The following GSE1 variants were observed in gnomAD, a reference collection of about 807,000 sequenced individuals.
The protein encoded by GSE1 is genetic suppressor element 1.
Under a neutral mutation model 112.6 loss-of-function variants are expected in GSE1, and 32 were observed. The observed-to-expected ratio is 0.28, with a 90% CI of 0.21 to 0.38. The LOEUF (loss-of-function observed/expected upper bound fraction) is 0.38, where lower values mean the gene tolerates loss of function less well. Among genes scored for constraint, GSE1 ranks in the 10% least tolerant of loss-of-function variants. GSE1 has a pLI of 1.00. For synonymous variants in GSE1, 1,115 were observed against 735.6 expected, an observed-to-expected ratio of 1.52 and a Z score of -8.35; for missense variants, 2,348 against 1,699.2, an observed-to-expected ratio of 1.38 and a Z score of -6.71.
chr16:85,511,684 T>C (rs912374529), intron 2 of GSE1, among the ~76,000 whole-genome samples: 4 of 152,146 alleles, frequency 2.6e-5, no homozygotes, highest in Admixed American at 1.3e-4. Flanking sequence ...GTGGCCTAAA[T>C]GCAATCTCAA....
At chr16:85,221,966 C>G (rs2075401558) in intron 1 of GSE1, among the ~76,000 whole-genome samples, 1 of 152,104 alleles carries the variant, frequency 6.6e-6, no homozygotes, top group South Asian at 2.1e-4. Flanking sequence ...TCACCGGTGA[C>G]CAGGTGGGCT....
At chr16:85,171,956 G>C (rs76932964) in intron 1 of GSE1, 5,288 of 339,780 alleles carry the variant, frequency 0.016, 275 homozygotes, top group African/African-American at 0.11. Flanking sequence ...CCCTCCCTGA[G>C]TCACTGGGCT....
At chr16:85,619,754 C>T (rs577494915) in intron 1 of GSE1, among the ~76,000 whole-genome samples, 7 of 152,202 alleles carry the variant, frequency 4.6e-5, no homozygotes, top group South Asian at 2.1e-4. Context: ...TTCACCCCAA[C>T]GTGCTCCTCC....
At chr16:85,440,368 C>T (rs149172692) in intron 2 of GSE1, among the ~76,000 whole-genome samples, 1 of 152,352 alleles carries the variant, frequency 6.6e-6, no homozygotes, top group African/African-American at 2.4e-5. Context: ...TGTTCCTTTC[C>T]ACTGCCCAGA....
chr16:85,485,876 C>T (rs1178640109), intron 2 of GSE1, among the ~76,000 whole-genome samples: 4 of 152,180 alleles, frequency 2.6e-5, no homozygotes, highest in Non-Finnish European at 4.4e-5. Context: ...CGGGAAACAC[C>T]GATGTTCTTC....
chr16:85,281,444 AG>A (rs2044855887), intron 1 of GSE1, among the ~76,000 whole-genome samples: 1 of 152,122 alleles, frequency 6.6e-6, no homozygotes, highest in East Asian at 1.9e-4. Flanking sequence ...TCCCCTCTGT[AG>A]GTGGCTAAAC....
At chr16:85,619,947 G>A (rs897544009) in intron 1 of GSE1, among the ~76,000 whole-genome samples, 1 of 152,048 alleles carries the variant, frequency 6.6e-6, no homozygotes, top group African/African-American at 2.4e-5. Flanking sequence ...ACTCCCACCC[G>A]CTCTCCCTTA....
Position 85,527,273 on chromosome 16 carries a change from G to A in GSE1, c.2465-106641G>A, listed in dbSNP as rs776684112. On this transcript the variant is annotated intron_variant, in intron 2 of 2. Coordinates refer to the GSE1 transcript ENST00000637419. ...CGGCCTCGCCCACCTGTGCACACGC[G>A]CGTGTTAAAGGGCGTCATGTGAGGC... Among the ~76,000 whole-genome samples, 15 of 152,374 alleles carry A rather than the reference G, an allele frequency of 9.8e-5. No individual in the cohort carries two copies. In the East Asian group the frequency reaches 1.5e-3, roughly 16 times the overall value.
intron 2 of GSE1, among the ~76,000 whole-genome samples, chr16:85,644,392 C>T (rs2050687720): frequency 6.6e-6 from 1 of 151,822 alleles, no homozygotes; most frequent in African/African-American, 2.4e-5. Flanking sequence ...TGACAGCGGC[C>T]ACAAGGTGGG....
At chr16:85,230,207 C>T (rs1904274842) in intron 1 of GSE1, among the ~76,000 whole-genome samples, 1 of 152,198 alleles carries the variant, frequency 6.6e-6, no homozygotes, top group Admixed American at 6.5e-5. Flanking sequence ...TAACCCCATG[C>T]TGGCATTGAG....
intron 2 of GSE1, among the ~76,000 whole-genome samples, chr16:85,485,168 C>A (rs13333930): frequency 1.3e-5 from 2 of 152,206 alleles, no homozygotes; most frequent in African/African-American, 4.8e-5. Context: ...CGCCACCACA[C>A]CTCCCAAGGA....
intron 1 of GSE1, among the ~76,000 whole-genome samples, chr16:85,212,076 T>C (rs979349531): frequency 6.6e-6 from 1 of 152,182 alleles, no homozygotes; most frequent in African/African-American, 2.4e-5. Flanking sequence ...GGAATGTGCC[T>C]GTGTCTGTAG....
At chr16:85,381,889 A>C (rs940699076) in intron 2 of GSE1, among the ~76,000 whole-genome samples, 1 of 152,156 alleles carries the variant, frequency 6.6e-6, no homozygotes, top group African/African-American at 2.4e-5. Flanking sequence ...CCCCTGCCTG[A>C]CACCCGCCTG....
intron 1 of GSE1, among the ~76,000 whole-genome samples, chr16:85,294,616 A>ACTCT (rs756560732): frequency 0.042 from 3,184 of 76,604 alleles, 206 homozygotes; most frequent in Middle Eastern, 0.13. Flanking sequence ...CACGCCTCTC[A>ACTCT]CTCTCTCTCT....
chr16:85,223,361 A>G (rs2075426607), intron 1 of GSE1, among the ~76,000 whole-genome samples: 2 of 152,020 alleles, frequency 1.3e-5, no homozygotes, highest in Non-Finnish European at 2.9e-5. Flanking sequence ...CATCTCCACC[A>G]AAAATACAAA....
At chr16:85,411,095 T>C (rs2048526464) in intron 2 of GSE1, among the ~76,000 whole-genome samples, 1 of 105,488 alleles carries the variant, frequency 9.5e-6, no homozygotes, top group Non-Finnish European at 1.7e-5. Flanking sequence ...CGGATAATCC[T>C]CACTGTTACA....
chr16:85,519,556 CACT>C (rs1159119195), intron 2 of GSE1, among the ~76,000 whole-genome samples: 1 of 35,714 alleles, frequency 2.8e-5, no homozygotes, highest in Non-Finnish European at 5.0e-5. Flanking sequence ...TTACCACCAT[CACT>C]ATCATCATCA....
chr16:85,639,427 G>A (rs531341797), intron 2 of GSE1, among the ~76,000 whole-genome samples: 1 of 152,322 alleles, frequency 6.6e-6, no homozygotes, highest in East Asian at 1.9e-4. Flanking sequence ...AGACTGGGGG[G>A]ATGGGTCCCA....
At position 85,623,628 on chromosome 16, in the gene GSE1, C is replaced by T. The variant is rs1440785626; in HGVS notation, c.7+10230C>T. 1.1e-4 allele frequency among the ~76,000 whole-genome samples: 16 copies of T among 152,322 alleles called. No homozygotes were observed. In the East Asian group the frequency reaches 1.7e-3, roughly 17 times the overall value. ...AGGCTGGCTGAGTGGGATGTGAGGA[C>T]CCCGGTGCCTGCAGGCAGGCACACT... On this transcript the variant is annotated intron_variant, in intron 1 of 15. Coordinates refer to ENST00000253458, the MANE Select transcript of GSE1 (RefSeq NM_014615.5).
Sources: allele counts gnomAD v4.1 joint callset (sites outside exome capture counted in the v4.1 genomes callset), GRCh38; gene constraint gnomAD v4.1.1; transcripts MANE v1.5; gene names NCBI Gene and HGNC (gene_info 2026-07-23, HGNC 2026-07-21).